The following LMBRD2 variants were observed in gnomAD, a reference collection of about 807,000 sequenced individuals.
LMBRD2 encodes the protein LMBR1 domain containing 2, also known as G protein-coupled receptor-associated protein LMBRD2.
Under a neutral mutation model 94.4 loss-of-function variants are expected in LMBRD2, and 55 were observed. That is an observed-to-expected ratio of 0.58 (90% CI 0.47 to 0.73). LMBRD2 has a LOEUF of 0.73. Among genes scored for constraint, LMBRD2 ranks in the 30% least tolerant of loss-of-function variants. LMBRD2 has a pLI of 0.00. For synonymous variants in LMBRD2, 246 were observed against 272.4 expected (o/e 0.90, Z 0.95); for missense variants, 640 against 831.9 (o/e 0.77, Z 2.84).
chr5:36,107,074 C>T (rs1280689009), intron 16 of LMBRD2, among the ~76,000 whole-genome samples: 1 of 152,098 alleles, frequency 6.6e-6, no homozygotes, highest in Non-Finnish European at 1.5e-5. Context: ...CCCTCTTTTT[C>T]AATCCCCAAG....
intron 1 of LMBRD2, among the ~76,000 whole-genome samples, chr5:36,146,456 G>C (rs1054599391): frequency 6.6e-6 from 1 of 152,104 alleles, no homozygotes; most frequent in African/African-American, 2.4e-5. Flanking sequence ...ACATAACCTT[G>C]AGCTCCTGGG....
Position 36,119,297 on chromosome 5 carries a change from C to T in LMBRD2, c.1121-1381G>A, listed in dbSNP as rs189566212. On this transcript the variant is annotated intron_variant, in intron 9 of 17. Transcript: ENST00000296603. ...CCTTTTATTATCAATATCTCCAGCC[C>T]TTCCATATAATCACATTCCAGCATC... Among the ~76,000 whole-genome samples the T allele has an allele frequency of 1.5e-3, 222 of 152,278 alleles. 1 individual carries two copies. The highest frequency in any genetic ancestry group is 5.0e-3 in the African/African-American group (207 of 41,558).
intron 6 of LMBRD2, among the ~76,000 whole-genome samples, chr5:36,127,858 G>A (rs1744041825): frequency 1.3e-5 from 2 of 152,138 alleles, no homozygotes; most frequent in African/African-American, 2.4e-5. Flanking sequence ...CAAAAGCTCG[G>A]GTGGCTTTGC....
rs1011055905 is a variant in LMBRD2, at chr5:36,142,480, T to C, written c.272+22A>G. The C allele has an allele frequency of 2.6e-5, 35 of 1,339,454 alleles. 1 individual carries two copies. The highest frequency in any genetic ancestry group is 1.7e-5 in the Non-Finnish European group (16 of 941,460). The allele number at this position is 1,339,454 out of a possible 1,614,324, so 83.0% of individuals were successfully genotyped here. On this transcript the variant is annotated intron_variant, in intron 3 of 17. Transcript: ENST00000296603. ...ATGTGTCCCCTACAATGTTTATATATTTTTTTTAAAAAAGGAAATACCTTG... is the reference window on the plus strand; with the variant it reads ...ATGTGTCCCCTACAATGTTTATATACTTTTTTTAAAAAAGGAAATACCTTG...
chr5:36,139,662 T>C (rs541721183), intron 4 of LMBRD2, among the ~76,000 whole-genome samples: 1 of 152,272 alleles, frequency 6.6e-6, no homozygotes, highest in South Asian at 2.1e-4. Context: ...TGACTACAGA[T>C]AGGAGCTATC....
intron 9 of LMBRD2, among the ~76,000 whole-genome samples, chr5:36,118,240 A>G (rs1743805085): frequency 6.6e-6 from 1 of 152,094 alleles, no homozygotes; most frequent in Non-Finnish European, 1.5e-5. Flanking sequence ...ACTGGCCTAT[A>G]CTCCCCAAAA....
intron 6 of LMBRD2, among the ~76,000 whole-genome samples, chr5:36,135,588 T>A (rs914663468): frequency 7.9e-5 from 12 of 152,290 alleles, no homozygotes; most frequent in African/African-American, 2.9e-4. Context: ...TATTCTAACA[T>A]GAATGAAAAG....
intron 5 of LMBRD2, 64 bp downstream of exon 5, chr5:36,137,210 A>G: frequency 8.8e-7 from 1 of 1,135,696 alleles, no homozygotes; most frequent in Non-Finnish European, 1.2e-6. Context: ...ATATGAAATT[A>G]AAAATGATTT....
intron 6 of LMBRD2, among the ~76,000 whole-genome samples, chr5:36,128,166 C>T (rs1402520243): frequency 6.6e-6 from 1 of 152,212 alleles, no homozygotes; most frequent in Non-Finnish European, 1.5e-5. Flanking sequence ...AGGTGGCACA[C>T]ATCTCCAAGT....
intron 9 of LMBRD2, among the ~76,000 whole-genome samples, chr5:36,120,353 C>G (rs899182253): frequency 1.3e-5 from 2 of 152,042 alleles, no homozygotes; most frequent in African/African-American, 4.8e-5. Flanking sequence ...ACCTCCGCCT[C>G]CTGTTCAAGT....
At chr5:36,115,598 A>T (rs1743721652) in intron 11 of LMBRD2, among the ~76,000 whole-genome samples, 1 of 152,190 alleles carries the variant, frequency 6.6e-6, no homozygotes, top group Non-Finnish European at 1.5e-5. Context: ...ACACTTGGAT[A>T]ATTGGGGCTG....
At chr5:36,143,849 AAG>A (rs1744475498) in intron 1 of LMBRD2, among the ~76,000 whole-genome samples, 1 of 151,914 alleles carries the variant, frequency 6.6e-6, no homozygotes, top group Non-Finnish European at 1.5e-5. Context: ...TCTATAATTT[AAG>A]ATTTTCTAAA....
chr5:36,110,018 A>T, intron 14 of LMBRD2, 27 bp from the exon 15 acceptor site: 1 of 1,555,448 alleles, frequency 6.4e-7, no homozygotes, highest in Middle Eastern at 1.7e-4. Context: ...GATCTCAAAT[A>T]TGGCATAACA....
intron 2 of LMBRD2, 166 bp from the exon 3 acceptor site, chr5:36,142,765 C>A (rs1744444414): frequency 2.2e-6 from 1 of 464,694 alleles, no homozygotes; most frequent in Non-Finnish European, 3.8e-6. Flanking sequence ...CACTCTGTCG[C>A]CCAGGCTGGA....
intron 6 of LMBRD2, among the ~76,000 whole-genome samples, chr5:36,132,252 G>T (rs1040764099): frequency 1.3e-5 from 2 of 152,056 alleles, no homozygotes. Flanking sequence ...TGGAAAACTG[G>T]ATATATGCAG....
intron 4 of LMBRD2, among the ~76,000 whole-genome samples, chr5:36,140,270 T>G (rs1039793274): frequency 6.6e-6 from 1 of 152,256 alleles, no homozygotes; most frequent in Non-Finnish European, 1.5e-5. Context: ...CGTGTCTGGC[T>G]GTGCTCAGTG....
chr5:36,103,484 GCAAA>G lies in LMBRD2; in HGVS notation c.*558_*561del. 6.6e-6 allele frequency: 1 copy of G among 152,358 alleles called. No homozygotes were observed. Among genetic ancestry groups the G allele is most frequent in the Non-Finnish European group, 1.5e-5 (1 of 67,824 alleles). 9.4% of individuals were successfully genotyped at this position (152,358 alleles called of 1,614,324 possible). On this transcript the variant is annotated 3_prime_UTR_variant, in exon 18 of 18. Transcript: ENST00000296603. ...ACATGCAAAAATCCCCCACGAGTTT[GCAAA>G]CAGATTTGAAAAAGCACTTTTTACA...
At position 36,136,311 on chromosome 5, in the gene LMBRD2, C is replaced by G; in HGVS notation, c.745G>C (p.Glu249Gln). Reference protein sequence around the residue: ...DAEENLEDAMEEVRKVNESIK... With the variant: ...DAEENLEDAMQEVRKVNESIK... ...TTATAAGGTTCAAACTTGCTTACCTCCATGGCATCTTCCAAATTCTCTTCT... is the reference window on the plus strand; with the variant it reads ...TTATAAGGTTCAAACTTGCTTACCTGCATGGCATCTTCCAAATTCTCTTCT... Residue 249 changes from glutamate to glutamine, a missense_variant and splice_region_variant, in exon 6 of 18, where the codon GAG becomes CAG. This residue lies in a region of LMBRD2 where 457 missense variants were observed against 642.8 expected (regional missense o/e 0.71). Coordinates refer to ENST00000296603, the MANE Select transcript of LMBRD2 (RefSeq NM_001007527.2). 6.2e-7 allele frequency: 1 copy of G among 1,613,886 alleles called. No individual in the cohort carries two copies. Among genetic ancestry groups the G allele is most frequent in the African/African-American group, 1.3e-5 (1 of 75,058 alleles).
At chr5:36,138,029 G>C (rs1744312385) in intron 4 of LMBRD2, among the ~76,000 whole-genome samples, 1 of 152,170 alleles carries the variant, frequency 6.6e-6, no homozygotes, top group Non-Finnish European at 1.5e-5. Context: ...AGAACTCTGA[G>C]AAATATCAAC....
Sources: allele counts gnomAD v4.1 joint callset (sites outside exome capture counted in the v4.1 genomes callset), GRCh38; gene constraint gnomAD v4.1.1; regional missense constraint gnomAD v4.1.1; transcripts MANE v1.5; gene names NCBI Gene and HGNC (gene_info 2026-07-23, HGNC 2026-07-21).